RANBP2: variants seen among roughly 807,000 people sequenced by gnomAD.
RANBP2 encodes E3 SUMO-protein ligase RanBP2.
RANBP2 carries 57 observed loss-of-function variants against 303.6 expected under a neutral mutation model. The ratio of observed to expected loss-of-function variants is 0.19; its 90% CI spans 0.15 to 0.23. The LOEUF (loss-of-function observed/expected upper bound fraction) is 0.23. RANBP2 is among the 10% of genes least tolerant of loss of function. The pLI, the probability that RANBP2 is intolerant of heterozygous loss-of-function variation, is 1.00. For missense variants in RANBP2, 3,138 were observed against 3,780.8 expected, an observed-to-expected ratio of 0.83 and a Z score of 4.46; for synonymous variants, 1,167 against 1,301.5, an observed-to-expected ratio of 0.90 and a Z score of 2.23.
the RANBP2 span, among the ~76,000 whole-genome samples, chr2:108,980,553 CATATGT>C: frequency 2.0e-5 from 3 of 152,004 alleles, no homozygotes; most frequent in East Asian, 3.9e-4. Context: ...ATATTACATG[CATATGT>C]ATAAGTCGTT....
At chr2:109,073,555 G>A in the RANBP2 span, among the ~76,000 whole-genome samples, 9 of 150,250 alleles carry the variant, frequency 6.0e-5, 1 homozygote, top group Admixed American at 6.0e-4. Context: ...TGTAATCCCA[G>A]CTACTCGGGA....
the RANBP2 span, chr2:109,553,051 A>C: frequency 6.3e-7 from 1 of 1,593,060 alleles, no homozygotes; most frequent in African/African-American, 1.4e-5. Flanking sequence ...GACATCTAAA[A>C]AATAAATGCA....
At chr2:108,970,322 C>A in the RANBP2 span, among the ~76,000 whole-genome samples, 1 of 152,116 alleles carries the variant, frequency 6.6e-6, no homozygotes, top group African/African-American at 2.4e-5. Flanking sequence ...TGACAGGATG[C>A]AGGAAATATT....
At chr2:108,861,331 G>T in the RANBP2 span, among the ~76,000 whole-genome samples, 1 of 151,474 alleles carries the variant, frequency 6.6e-6, no homozygotes, top group Non-Finnish European at 1.5e-5. Context: ...ACTTCATTTA[G>T]TTCTGCTGTT....
chr2:109,387,301 G>A, the RANBP2 span, among the ~76,000 whole-genome samples: 27 of 152,252 alleles, frequency 1.8e-4, no homozygotes, highest in African/African-American at 6.0e-4. Flanking sequence ...CGCCAGGGCC[G>A]GGGGATCCTG....
rs867893429 is a variant in RANBP2, at chr2:108,732,661, A to G, written c.405+1187A>G. Among the ~76,000 whole-genome samples the G allele has an allele frequency of 2.2e-4, 34 of 152,268 alleles. 1 individual carries two copies. In the East Asian group the frequency reaches 3.3e-3, roughly 15 times the overall value. On this transcript the variant is annotated intron_variant, in intron 4 of 28. Transcript: ENST00000283195. ...TGCAGTCAAGATACAGAACTACTCT[A>G]TTACCACAGAGATCTTCCTCATGCT...
chr2:109,212,224 C>T, the RANBP2 span, among the ~76,000 whole-genome samples: 7 of 152,290 alleles, frequency 4.6e-5, no homozygotes, highest in African/African-American at 1.7e-4. Context: ...TCTTCCTCCT[C>T]TTCTTGACTC....
the RANBP2 span, among the ~76,000 whole-genome samples, chr2:109,693,544 G>A: frequency 1.3e-5 from 2 of 152,290 alleles, no homozygotes; most frequent in Admixed American, 1.3e-4. Flanking sequence ...CACAACATCT[G>A]ATGATTTTAT....
chr2:109,022,951 T>A, the RANBP2 span, among the ~76,000 whole-genome samples: 1 of 152,148 alleles, frequency 6.6e-6, no homozygotes, highest in South Asian at 2.1e-4. Flanking sequence ...CTCAGCAGGC[T>A]GAGGCAGGAG....
the RANBP2 span, among the ~76,000 whole-genome samples, chr2:109,599,458 C>CAAAAAAA: frequency 1.6e-5 from 1 of 63,316 alleles, no homozygotes; most frequent in African/African-American, 6.4e-5. Flanking sequence ...ACTCAGTCTC[C>CAAAAAAA]AAAAAAAAAA....
At chr2:109,009,204 G>A in the RANBP2 span, among the ~76,000 whole-genome samples, 7 of 151,964 alleles carry the variant, frequency 4.6e-5, no homozygotes, top group Admixed American at 1.3e-4. Context: ...GCCTGGCATG[G>A]TGGCAGGTGC....
At chr2:108,769,046 A>C (rs1558929461) in intron 20 of RANBP2, among the ~76,000 whole-genome samples, 2 of 151,786 alleles carry the variant, frequency 1.3e-5, no homozygotes, top group Non-Finnish European at 2.9e-5. Context: ...AAAAAAAAAA[A>C]ACAACGTGAT....
the RANBP2 span, among the ~76,000 whole-genome samples, chr2:108,835,783 T>G: frequency 6.6e-6 from 1 of 152,226 alleles, no homozygotes; most frequent in Non-Finnish European, 1.5e-5. Flanking sequence ...ATTGTCTCTG[T>G]TTTGTGCTGT....
the RANBP2 span, among the ~76,000 whole-genome samples, chr2:108,968,763 T>A: frequency 3.3e-5 from 5 of 152,254 alleles, no homozygotes; most frequent in South Asian, 8.3e-4. Flanking sequence ...GGAAATAAGG[T>A]CATGTGGAAG....
At chr2:108,812,863 C>T in the RANBP2 span, 2 of 1,613,220 alleles carry the variant, frequency 1.2e-6, no homozygotes, top group Non-Finnish European at 1.7e-6. Flanking sequence ...AAAGGAAGTT[C>T]CCATGCTGTT....
At chr2:108,878,518 C>G in the RANBP2 span, 1 of 215,018 alleles carries the variant, frequency 4.7e-6, no homozygotes, top group African/African-American at 2.3e-5. Context: ...TCACTGTCAT[C>G]TTACCATATC....
chr2:108,999,391 T>C, the RANBP2 span, among the ~76,000 whole-genome samples: 6 of 152,238 alleles, frequency 3.9e-5, no homozygotes, highest in Non-Finnish European at 8.8e-5. Context: ...GTGAAGTGAC[T>C]TGTGGATTCA....
the RANBP2 span, among the ~76,000 whole-genome samples, chr2:109,045,972 G>T: frequency 1.3e-5 from 2 of 152,004 alleles, no homozygotes; most frequent in Non-Finnish European, 2.9e-5. Flanking sequence ...CGTCTTGCAG[G>T]CCTCAGTCCT....
At chr2:109,121,739 A>G in the RANBP2 span, among the ~76,000 whole-genome samples, 1 of 152,098 alleles carries the variant, frequency 6.6e-6, no homozygotes, top group Admixed American at 6.6e-5. Context: ...GGCTTCATCT[A>G]TCACCTCCAG....
Sources: allele counts gnomAD v4.1 joint callset (sites outside exome capture counted in the v4.1 genomes callset), GRCh38; gene constraint gnomAD v4.1.1; transcripts MANE v1.5; gene names NCBI Gene and HGNC (gene_info 2026-07-23, HGNC 2026-07-21).